Variants in AKAP9 observed in about 807,000 individuals in gnomAD.
AKAP9 encodes the protein A-kinase anchor protein 9.
In AKAP9, 311 loss-of-function variants were observed where a neutral mutation model predicts 488.5. The observed-to-expected ratio is 0.64, with a 90% confidence interval of 0.58 to 0.70. The LOEUF (loss-of-function observed/expected upper bound fraction) is 0.70, where lower values mean the gene tolerates loss of function less well. Among genes scored for constraint, AKAP9 ranks in the 30% least tolerant of loss-of-function variants. The pLI, the probability that AKAP9 is intolerant of heterozygous loss-of-function variation, is 0.00. For missense variants in AKAP9, 4,215 were observed against 4,374.5 expected (o/e 0.96, Z 1.03); for synonymous variants, 1,462 against 1,483.5 (o/e 0.99, Z 0.33).
chr7:92,038,465 C>G lies in AKAP9; in HGVS notation c.4385C>G (p.Ser1462Cys), dbSNP rs886467657. 2 of 1,613,732 alleles carry G rather than the reference C, an allele frequency of 1.2e-6. No individual in the cohort carries two copies. The highest frequency in any genetic ancestry group is 8.5e-7 in the Non-Finnish European group (1 of 1,179,894). Residue 1462 changes from serine (S) to cysteine (C), a missense_variant, in exon 17 of 50, where the codon TCT (serine) becomes TGT (cysteine). This residue lies in a region of AKAP9 where 2,361 missense variants were observed against 2,430.0 expected (regional missense o/e 0.97). Coordinates refer to ENST00000356239, the MANE Select transcript of AKAP9 (RefSeq NM_005751.5). ...GCATTTGCTCAACAAACTGAACTGT[C>G]TAGAATATCTGGGGGAAAAGAAAAT... ...SIAFAQQTEL[S>C]RISGGKENTA... is the part of the protein sequence containing the mutation.
At chr7:92,040,314 AT>A (rs1392604814) in intron 17 of AKAP9, among the ~76,000 whole-genome samples, 2 of 152,148 alleles carry the variant, frequency 1.3e-5, no homozygotes, top group African/African-American at 2.4e-5. Flanking sequence ...CATGGATATT[AT>A]TTTCCCTTCA....
intron 13 of AKAP9, among the ~76,000 whole-genome samples, chr7:92,022,611 G>A (rs1802477931): frequency 6.6e-6 from 1 of 152,126 alleles, no homozygotes; most frequent in Non-Finnish European, 1.5e-5. Context: ...ACTACAGCAT[G>A]AGGATCAAAA....
intron 3 of AKAP9, among the ~76,000 whole-genome samples, chr7:91,982,010 T>C (rs1055715716): frequency 2.6e-5 from 4 of 152,190 alleles, no homozygotes; most frequent in African/African-American, 9.7e-5. Context: ...CTCTTTACAC[T>C]AAAGTGAATA....
Position 92,079,917 on chromosome 7 carries a change from A to G in AKAP9, c.7784A>G (p.Asp2595Gly), listed in dbSNP as rs377157172. ...CAGAATTTAAATCAACTAAGAGAAG[A>G]TGAGTTGGGGTCAGATATATCAGCA... ...NIQNLNQLRE[D>G]ELGSDISALT... is the part of the protein sequence containing the mutation. Residue 2595 changes from aspartate to glycine, a missense_variant, in exon 31 of 50, where the codon GAT (aspartate) becomes GGT (glycine). By Grantham distance (94) the Asp-to-Gly change is moderately conservative (BLOSUM62 -1). Coordinates refer to ENST00000356239, the MANE Select transcript of AKAP9 (RefSeq NM_005751.5). 1 of 1,613,726 alleles carries G rather than the reference A, an allele frequency of 6.2e-7. No individual in the cohort carries two copies. Among genetic ancestry groups the G allele is most frequent in the Non-Finnish European group, 8.5e-7 (1 of 1,179,760 alleles).
At chr7:92,102,999 G>A (rs1248421527) in intron 46 of AKAP9, among the ~76,000 whole-genome samples, 173 bp downstream of exon 46, 1 of 152,056 alleles carries the variant, frequency 6.6e-6, no homozygotes, top group Non-Finnish European at 1.5e-5. Flanking sequence ...CATTTAGCAG[G>A]AATACTGGCA....
At chr7:92,109,944 C>G (rs1257294976) in intron 49 of AKAP9, among the ~76,000 whole-genome samples, 178 bp from the exon 50 acceptor site, 1 of 152,042 alleles carries the variant, frequency 6.6e-6, no homozygotes, top group African/African-American at 2.4e-5. Flanking sequence ...GAGTAACACT[C>G]CACCTTGGGG....
chr7:91,986,268 C>A (rs1010319064), intron 3 of AKAP9, among the ~76,000 whole-genome samples: 1 of 152,164 alleles, frequency 6.6e-6, no homozygotes, highest in African/African-American at 2.4e-5. Flanking sequence ...CAGTATTGGG[C>A]GGGAGTGTCC....
chr7:91,979,011 T>G lies in AKAP9; in HGVS notation c.307-1278T>G, dbSNP rs1204520624. 2.0e-5 allele frequency among the ~76,000 whole-genome samples: 3 copies of G among 148,350 alleles called. No homozygotes were observed. The East Asian group carries it at 6.0e-4, about 29-fold the overall frequency. On this transcript the variant is annotated intron_variant, in intron 2 of 49. Transcript: ENST00000356239. ...TAGGCAGGTCTCGAACTCCTGACCT[T>G]AAATGATCCACCCACCTCAGCCTCC... is the stretch of plus-strand genomic sequence containing the variant.
At chr7:92,060,890 A>G (rs963632675) in intron 22 of AKAP9, among the ~76,000 whole-genome samples, 6 of 152,180 alleles carry the variant, frequency 3.9e-5, no homozygotes, top group Non-Finnish European at 8.8e-5. Context: ...TTTATCATAG[A>G]CTGTATAGTT....
At chr7:91,985,686 C>T (rs945065477) in intron 3 of AKAP9, among the ~76,000 whole-genome samples, 6 of 152,028 alleles carry the variant, frequency 3.9e-5, no homozygotes, top group African/African-American at 9.7e-5. Context: ...CTCACTCTTT[C>T]GCCCAGGCTG....
In AKAP9 at chr7:92,079,219, A is replaced by T. The variant is rs779921052; in HGVS notation, c.7086A>T (p.Glu2362Asp). The change falls in exon 31 of 50, where the codon GAA becomes GAT. Residue 2362 changes from glutamate to aspartate, a missense_variant. Transcript: ENST00000356239. ...AAGTGATTGAAAAACTTCAACAGGA[A>T]TTGGCAAATATTGGACAGAAGACAT... ...LNEVIEKLQQ[E>D]LANIGQKTSM... The T allele has an allele frequency of 6.2e-7, 1 of 1,614,104 alleles. No individual in the cohort carries two copies. The highest frequency in any genetic ancestry group is 1.1e-5 in the South Asian group (1 of 91,066).
rs182592518 is a variant in AKAP9 at position 92,046,305 on chromosome 7, C to G, written c.5368+1092C>G. On this transcript the variant is annotated intron_variant, in intron 21 of 49. Coordinates refer to ENST00000356239, the MANE Select transcript of AKAP9 (RefSeq NM_005751.5). ...GGCTCACAAGATCAAGCCCACAGTT[C>G]ACTACCATTCCACACTCAAGCACTT... Among the ~76,000 whole-genome samples the G allele has an allele frequency of 9.8e-5, 15 of 152,310 alleles. No homozygotes were observed. The East Asian group carries it at 2.1e-3, about 22-fold the overall frequency.
At chr7:91,995,401 A>G (rs1798268315) in intron 6 of AKAP9, among the ~76,000 whole-genome samples, 1 of 152,108 alleles carries the variant, frequency 6.6e-6, no homozygotes, top group East Asian at 1.9e-4. Flanking sequence ...CAGGAGACCT[A>G]GGTTCTCTGC....
chr7:92,036,221 T>C (rs1199894334), intron 16 of AKAP9, among the ~76,000 whole-genome samples: 1 of 152,184 alleles, frequency 6.6e-6, no homozygotes, highest in African/African-American at 2.4e-5. Context: ...CTTGTCACTT[T>C]GTTGTTCCCT....
chr7:91,976,135 G>A (rs1795658492), intron 2 of AKAP9, among the ~76,000 whole-genome samples: 1 of 151,868 alleles, frequency 6.6e-6, no homozygotes, highest in African/African-American at 2.4e-5. Flanking sequence ...GTTGGCCAGG[G>A]TGGTCTCGAA....
chr7:91,965,069 A>G (rs1794265860), intron 1 of AKAP9, among the ~76,000 whole-genome samples: 1 of 152,186 alleles, frequency 6.6e-6, no homozygotes, highest in Admixed American at 6.5e-5. Context: ...TATTCTAGCT[A>G]TTTTGAAATA....
intron 20 of AKAP9, among the ~76,000 whole-genome samples, chr7:92,044,198 G>A (rs1426925201): frequency 6.6e-6 from 1 of 152,122 alleles, no homozygotes; most frequent in African/African-American, 2.4e-5. Flanking sequence ...TGATTGCTGA[G>A]GTTTTTTGGT....
chr7:92,069,868 G>A lies in AKAP9; in HGVS notation c.6331-162G>A, dbSNP rs546979774. On this transcript the variant is annotated intron_variant, in intron 26 of 49. Transcript: ENST00000356239. ...TAAATAGCCACTGCATTCCAGCCTG[G>A]GTAACATAATGAGACTCCATTTCTT... Among the ~76,000 whole-genome samples, 4 of 152,018 alleles carry A rather than the reference G, an allele frequency of 2.6e-5. No individual in the cohort carries two copies. In the East Asian group the frequency reaches 7.7e-4, roughly 29 times the overall value.
chr7:91,972,411 C>G (rs1795212835), intron 1 of AKAP9, among the ~76,000 whole-genome samples: 1 of 152,146 alleles, frequency 6.6e-6, no homozygotes, highest in Non-Finnish European at 1.5e-5. Flanking sequence ...TGGTTGTCCA[C>G]CTTGATCTCA....
Sources: gnomAD v4.1 joint callset for allele counts (sites outside exome capture counted in the v4.1 genomes callset) on GRCh38, gnomAD v4.1.1 for gene constraint, gnomAD v4.1.1 regional missense constraint, MANE v1.5 for transcripts, NCBI Gene and HGNC (gene_info 2026-07-23, HGNC 2026-07-21) for gene names.